HGS: variants seen among roughly 807,000 people sequenced by gnomAD.
The protein encoded by HGS is human growth factor-regulated tyrosine kinase substrate.
A neutral mutation model predicts 109.7 loss-of-function variants in HGS; 63 were observed. The observed-to-expected ratio is 0.57, with a 90% confidence interval of 0.47 to 0.71. The LOEUF is 0.71. HGS is among the 30% of genes least tolerant of loss of function. The pLI, the probability that HGS is intolerant of heterozygous loss-of-function variation, is 0.00. For missense variants in HGS, 995 were observed against 1,068.3 expected, an observed-to-expected ratio of 0.93 and a Z score of 0.96; for synonymous variants, 546 against 437.3, an observed-to-expected ratio of 1.25 and a Z score of -3.10.
Position 81,696,013 on chromosome 17 carries a change from C to A in HGS, c.1393+14C>A. 1 of 1,536,022 alleles carries A rather than the reference C, an allele frequency of 6.5e-7. No homozygotes were observed. On this transcript the variant is annotated intron_variant, in intron 15 of 21. Transcript: ENST00000329138. The stretch of plus-strand genomic sequence containing the variant: ...ACGAGCGCAGGCGTAGGTGCCCGCG[C>A]CACGGGGCCTCGGCTCAGGGGCAGC...
At chr17:81,687,594 C>T (rs1027614717) in intron 4 of HGS, among the ~76,000 whole-genome samples, 1 of 152,220 alleles carries the variant, frequency 6.6e-6, no homozygotes, top group African/African-American at 2.4e-5. Context: ...GGGCTTCATG[C>T]TTTCCTGGGC....
At position 81,693,974 on chromosome 17, in the gene HGS, C is replaced by A; in HGVS notation, c.936+9C>A. On this transcript the variant is annotated intron_variant, in intron 11 of 21. Coordinates refer to ENST00000329138, the MANE Select transcript of HGS (RefSeq NM_004712.5). ...TGTACTCTTCACCTGTGGTGAGCGG[C>A]CCTTGGGCTGGAGCTCCCTCTCCTG... 1 of 1,600,986 alleles carries A rather than the reference C, an allele frequency of 6.2e-7. No homozygotes were observed.
Position 81,701,513 on chromosome 17 carries a change from A to G in HGS, c.2229A>G (p.Ala743=). The G allele has an allele frequency of 1.3e-6, 2 of 1,554,908 alleles. No individual in the cohort carries two copies. Among genetic ancestry groups the G allele is most frequent in the South Asian group, 1.2e-5 (1 of 85,540 alleles). The part of the protein sequence containing the change: ...AGQQPMYQQM[A]PSGGPPQQQP... ...CCTGCTTTCCTCCTGCACAGATGGC[A>G]CCCTCTGGCGGTCCCCCCCAGCAGC... Residue 743 remains alanine, a synonymous_variant, in exon 22 of 22, where the codon GCA becomes GCG. Transcript: ENST00000329138.
intron 6 of HGS, 170 bp downstream of exon 6, chr17:81,690,404 C>T (rs899716734): frequency 1.6e-5 from 12 of 734,946 alleles, no homozygotes; most frequent in Admixed American, 7.6e-5. Context: ...CTCTGCAGGG[C>T]GAGGTGGAGA....
chr17:81,696,346 T>A lies in HGS; in HGVS notation c.1394-11T>A. The A allele has an allele frequency of 6.4e-7, 1 of 1,559,134 alleles. No individual in the cohort carries two copies. The highest frequency in any genetic ancestry group is 8.6e-7 in the Non-Finnish European group (1 of 1,156,814). On this transcript the variant is annotated splice_polypyrimidine_tract_variant and intron_variant, in intron 15 of 21. Coordinates refer to ENST00000329138, the MANE Select transcript of HGS (RefSeq NM_004712.5). Reference sequence around the variant, plus strand: ...CGGAGTGGTCAGGGTTGCTCTGTCATCTGCCCACAGTGTACTATGAGGGGC... The same window carrying A: ...CGGAGTGGTCAGGGTTGCTCTGTCAACTGCCCACAGTGTACTATGAGGGGC...
In HGS at chr17:81,690,152, C is replaced by G. The variant is rs377153563; in HGVS notation, c.416-30C>G. On this transcript the variant is annotated intron_variant, in intron 5 of 21. Transcript: ENST00000329138. ...GGAAGTCTTGCAGGCCAGGTGGGAG[C>G]AGGCAGTGACTATGGCTTCATCTCT... 160 of 1,606,600 alleles carry G rather than the reference C, an allele frequency of 1.0e-4. 1 individual carries two copies. The highest frequency in any genetic ancestry group is 1.3e-4 in the Non-Finnish European group (152 of 1,174,948).
Position 81,701,724 on chromosome 17 carries a change from T to C in HGS, c.*106T>C. ...TCCCTGTCCTCTACTGCCGGTAGTGTCCCTTCTCTGCGAGTGAGGGGGGGC... is the reference window on the plus strand; with the variant it reads ...TCCCTGTCCTCTACTGCCGGTAGTGCCCCTTCTCTGCGAGTGAGGGGGGGC... On this transcript the variant is annotated 3_prime_UTR_variant, in exon 22 of 22. Coordinates refer to ENST00000329138, the MANE Select transcript of HGS (RefSeq NM_004712.5). The C allele has an allele frequency of 6.9e-7, 1 of 1,446,214 alleles. No homozygotes were observed. 89.6% of individuals were successfully genotyped at this position (1,446,214 alleles called of 1,614,324 possible).
chr17:81,691,601 G>A lies in HGS; in HGVS notation c.662+30G>A. The A allele has an allele frequency of 6.2e-7, 1 of 1,613,156 alleles. No individual in the cohort carries two copies. The highest frequency in any genetic ancestry group is 8.5e-7 in the Non-Finnish European group (1 of 1,179,528). On this transcript the variant is annotated intron_variant, in intron 8 of 21. Transcript: ENST00000329138. This position sits in a 1 kb window ranked among gnomAD's most constrained non-coding sequence, Gnocchi z 5.3. ...GTCCCCGCCCCCCATTTGGGCTGCA[G>A]GTGGGGCAGGCTCTCCAGGCTGGGT... is the stretch of plus-strand genomic sequence containing the variant.
intron 1 of HGS, chr17:81,684,370 G>T: frequency 2.9e-6 from 1 of 344,666 alleles, no homozygotes; most frequent in Admixed American, 4.8e-5. Context: ...CTCCTCCGCG[G>T]GCCCGGGCAT....
chr17:81,693,420 C>A, intron 8 of HGS, 83 bp from the exon 9 acceptor site: 1 of 996,582 alleles, frequency 1.0e-6, no homozygotes, highest in Non-Finnish European at 1.6e-6. Context: ...CTTAGAGGAG[C>A]CCGCAGAGGT....
At chr17:81,687,627 T>A (rs552025822) in intron 4 of HGS, among the ~76,000 whole-genome samples, 1 of 152,240 alleles carries the variant, frequency 6.6e-6, no homozygotes, top group Non-Finnish European at 1.5e-5. Flanking sequence ...GCCCTCCAGA[T>A]CCCCAGGAGA....
intron 5 of HGS, 55 bp downstream of exon 5, chr17:81,688,882 A>G (rs897492929): frequency 6.2e-7 from 1 of 1,609,406 alleles, no homozygotes; most frequent in East Asian, 2.2e-5. Flanking sequence ...CTGGGCAGTC[A>G]GGCTCAACGG....
chr17:81,684,071 G>T lies in HGS; in HGVS notation c.5G>T (p.Gly2Val). The change falls in exon 1 of 22, where the codon GGG (glycine) becomes GTG (valine). Residue 2 changes from glycine to valine, a missense_variant. Gly to Val is a moderately radical substitution (Grantham distance 109, BLOSUM62 -3). Transcript: ENST00000329138. ...GGGTTTGGGCTGGAGGTCGCCATGG[G>T]GCGAGGCAGCGGCACCTTCGAGCGT... M[G>V]RGSGTFERLL... 1 of 1,594,786 alleles carries T rather than the reference G, an allele frequency of 6.3e-7. No individual in the cohort carries two copies. The highest frequency in any genetic ancestry group is 1.1e-5 in the South Asian group (1 of 88,720).
chr17:81,693,656 G>C lies in HGS; in HGVS notation c.744G>C (p.Leu248=). The C allele has an allele frequency of 6.5e-7, 1 of 1,548,048 alleles. No individual in the cohort carries two copies. The highest frequency in any genetic ancestry group is 8.7e-7 in the Non-Finnish European group (1 of 1,143,894). Residue 248 remains leucine, a splice_region_variant and synonymous_variant, in exon 10 of 22, where the codon CTG becomes CTC. Coordinates refer to ENST00000329138, the MANE Select transcript of HGS (RefSeq NM_004712.5). ...TCACCCTCCCCGCTTGTCCTCAGCT[G>C]CCCCCCAAGAGGGACGAGACGGCCC... ...LTSPLSQQSQ[L]PPKRDETALQ...
chr17:81,693,789 C>T, intron 10 of HGS, 37 bp downstream of exon 10: 1 of 1,544,270 alleles, frequency 6.5e-7, no homozygotes, highest in East Asian at 2.3e-5. Flanking sequence ...CAGGAGGGGC[C>T]CAGCTCCCCT....
chr17:81,691,199 T>G lies in HGS; in HGVS notation c.538-248T>G, dbSNP rs2037059317. 3.8e-6 allele frequency: 2 copies of G among 526,108 alleles called. No individual in the cohort carries two copies. The highest frequency in any genetic ancestry group is 3.2e-5 in the Admixed American group (1 of 31,602). The allele number at this position is 526,108 out of a possible 1,614,324, so 32.6% of individuals were successfully genotyped here. ...TCTTGTTTTATCAGCAGAATTGATG[T>G]GTATTTTTTCCTTGCCCTTACTTTT... On this transcript the variant is annotated intron_variant, in intron 7 of 21. Transcript: ENST00000329138. This position sits in a 1 kb window ranked among gnomAD's most constrained non-coding sequence, Gnocchi z 5.3.
At chr17:81,689,085 G>T (rs970726789) in intron 5 of HGS, among the ~76,000 whole-genome samples, 2 of 152,256 alleles carry the variant, frequency 1.3e-5, no homozygotes, top group South Asian at 4.1e-4. Flanking sequence ...GCAGCAGACA[G>T]CCTGTTTCAG....
chr17:81,700,850 T>C (rs751628117), intron 20 of HGS, 36 bp downstream of exon 20: 1 of 1,594,300 alleles, frequency 6.3e-7, no homozygotes, highest in South Asian at 1.1e-5. Context: ...GGGGCCAGGG[T>C]GGGGGAGCAG....
intron 2 of HGS, 95 bp from the exon 3 acceptor site, chr17:81,686,217 C>A: frequency 3.0e-6 from 3 of 994,224 alleles, no homozygotes; most frequent in Non-Finnish European, 4.6e-6. Flanking sequence ...AGGCGTGAGC[C>A]ACTGCACCTG....
Sources: allele counts gnomAD v4.1 joint callset (sites outside exome capture counted in the v4.1 genomes callset), GRCh38; gene constraint gnomAD v4.1.1; non-coding constraint Gnocchi (gnomAD v3.1); transcripts MANE v1.5; gene names NCBI Gene and HGNC (gene_info 2026-07-23, HGNC 2026-07-21).